NES: variants seen among roughly 807,000 people sequenced by gnomAD.
NES encodes the protein nestin.
Under a neutral mutation model 35.6 loss-of-function variants are expected in NES, and 27 were observed. The observed-to-expected ratio is 0.76, with a 90% CI of 0.56 to 1.04. NES has a LOEUF of 1.04. Among genes scored for constraint, NES ranks in the 50% least tolerant of loss-of-function variants. NES has a pLI of 0.00. For synonymous variants in NES, 822 were observed against 824.2 expected (o/e 1.00, Z 0.04); for missense variants, 1,867 against 1,983.6 (o/e 0.94, Z 1.12).
chr1:156,675,892 C>T (rs1023702223), intron 1 of NES, among the ~76,000 whole-genome samples: 1 of 152,170 alleles, frequency 6.6e-6, no homozygotes, highest in Non-Finnish European at 1.5e-5. Flanking sequence ...GGGGAGGTGG[C>T]CATGGCACCT....
chr1:156,671,222 G>T lies in NES; in HGVS notation c.2966C>A (p.Thr989Asn), dbSNP rs774221762. 2 of 1,614,076 alleles carry T rather than the reference G, an allele frequency of 1.2e-6. No homozygotes were observed. Among genetic ancestry groups the T allele is most frequent in the South Asian group, 2.2e-5 (2 of 91,074 alleles). ...ELNLREQDGF[T>N]GKEEVVEQGE... is the part of the protein sequence containing the mutation. Reference sequence around the variant, plus strand: ...CTGCTCTACCACCTCCTCCTTCCCAGTGAAGCCATCCTGCTCCCTCAGATT... The same window carrying T: ...CTGCTCTACCACCTCCTCCTTCCCATTGAAGCCATCCTGCTCCCTCAGATT... Residue 989 changes from threonine to asparagine, a missense_variant, in exon 4 of 4, where the codon ACT becomes AAT. Transcript: ENST00000368223.
Position 156,671,912 on chromosome 1 carries a change from T to G in NES, c.2276A>C (p.Glu759Ala), listed in dbSNP as rs1301711114. 3.1e-6 allele frequency: 5 copies of G among 1,614,144 alleles called. No individual in the cohort carries two copies. In the South Asian group the frequency reaches 3.3e-5, roughly 11 times the overall value. Residue 759 changes from glutamate (E) to alanine (A), a missense_variant, in exon 4 of 4, where the codon GAA (glutamate) becomes GCA (alanine). Physicochemically the swap from Glu to Ala is moderately radical, Grantham distance 107. Transcript: ENST00000368223. ...CCTCCGTCGCTGTTGAGTCTCTTTTTCAAGAGTTCTCAATGTCTCTTGGTC... is the reference window on the plus strand; with the variant it reads ...CCTCCGTCGCTGTTGAGTCTCTTTTGCAAGAGTTCTCAATGTCTCTTGGTC... ...EQDQETLRTL[E>A]KETQQRRRSL...
Position 156,670,878 on chromosome 1 carries a change from C to G in NES, c.3310G>C (p.Gly1104Arg), listed in dbSNP as rs1679708567. 5 of 1,610,940 alleles carry G rather than the reference C, an allele frequency of 3.1e-6. No homozygotes were observed. In the African/African-American group the frequency reaches 4.0e-5, roughly 13 times the overall value. ...CCTGGGTCCCCCAGCCCTCCCACCC[C>G]CTGCCCCGGGCCTGGCTCAGCTCCC... ...AAGAEPGPGQ[G>R]VGGLGDPGHL... The change falls in exon 4 of 4, where the codon GGG (glycine) becomes CGG (arginine). Residue 1104 changes from glycine (G) to arginine (R), a missense_variant. Physicochemically the swap from Gly to Arg is moderately radical, Grantham distance 125. Transcript: ENST00000368223.
Position 156,671,686 on chromosome 1 carries a change from T to C in NES, c.2502A>G (p.Gln834=). ...EILESLKSAG[Q]ENLETLKSPE... is the part of the protein sequence containing the mutation. ...GAGATTTCAGTGTTTCCAGGTTCTC[T>C]TGTCCCGCAGACTTCAGTGATTCTA... is the stretch of plus-strand genomic sequence containing the variant. Residue 834 remains glutamine (Q), a synonymous_variant, in exon 4 of 4, where the codon CAA becomes CAG. Coordinates refer to ENST00000368223, the MANE Select transcript of NES (RefSeq NM_006617.2). The C allele has an allele frequency of 6.2e-7, 1 of 1,613,826 alleles. No homozygotes were observed. The highest frequency in any genetic ancestry group is 1.1e-5 in the South Asian group (1 of 91,060).
Position 156,672,363 on chromosome 1 carries a change from C to G in NES, c.1825G>C (p.Glu609Gln), listed in dbSNP as rs114406081. ...GTAGGCTTAAGTTGGCCTACAGCCT[C>G]TTTTTCTAGAGGTCTCACTACCTCC... ...DVEVVRPLEKEAVGQLKPTGK... is the reference protein window; with the variant it reads ...DVEVVRPLEKQAVGQLKPTGK... The change falls in exon 4 of 4, where the codon GAG becomes CAG. Residue 609 changes from glutamate to glutamine, a missense_variant. By Grantham distance (29) the Glu-to-Gln change is conservative. Transcript: ENST00000368223. 1.0e-2 allele frequency: 16,076 copies of G among 1,613,162 alleles called. 105 individuals carry two copies. The highest frequency in any genetic ancestry group is 0.012 in the Non-Finnish European group (14,340 of 1,179,874).
Position 156,672,099 on chromosome 1 carries a change from G to C in NES, c.2089C>G (p.Gln697Glu). ...TCTTCAAGAGACCTCAGGGGTTCCT[G>C]ATTCTCCTTTGTCAGAGGTCTCAGT... ...EALRPLTKEN[Q>E]EPLRSLEDEN... Residue 697 changes from glutamine to glutamate, a missense_variant, in exon 4 of 4, where the codon CAG (glutamine) becomes GAG (glutamate). Physicochemically the swap from Gln to Glu is conservative, Grantham distance 29 (BLOSUM62 2). Coordinates refer to ENST00000368223, the MANE Select transcript of NES (RefSeq NM_006617.2). 5.6e-6 allele frequency: 9 copies of C among 1,610,914 alleles called. No individual in the cohort carries two copies. The highest frequency in any genetic ancestry group is 6.8e-6 in the Non-Finnish European group (8 of 1,179,318).
At chr1:156,673,735 A>T (rs1234481960) in intron 2 of NES, among the ~76,000 whole-genome samples, 6 of 152,178 alleles carry the variant, frequency 3.9e-5, no homozygotes, top group Non-Finnish European at 8.8e-5. Context: ...ACACAAAGTC[A>T]CACTGTATTT....
Position 156,673,160 on chromosome 1 carries a change from C to T in NES, c.1028G>A (p.Arg343His), listed in dbSNP as rs886501238. The T allele has an allele frequency of 1.0e-5, 16 of 1,536,990 alleles. No homozygotes were observed. The highest frequency in any genetic ancestry group is 2.8e-5 in the African/African-American group (2 of 72,372). The change falls in exon 4 of 4, where the codon CGT becomes CAT. Residue 343 changes from arginine to histidine, a missense_variant. Transcript: ENST00000368223. ...CAGGACTGGGAGCAAAGATCCAAGA[C>T]GCCGGCCCTCTGGGGTCCTAGGGAA... Reference protein sequence around the residue: ...LQFPRTPEGRRLGSLLPVLSP... With the variant: ...LQFPRTPEGRHLGSLLPVLSP...
At chr1:156,673,403 A>G in intron 3 of NES, 51 bp downstream of exon 3, 2 of 1,537,936 alleles carry the variant, frequency 1.3e-6, no homozygotes, top group Non-Finnish European at 1.8e-6. Flanking sequence ...AGGTCTGGGT[A>G]TGAAGAGCAA....
rs1320683388 is a variant in NES, at chr1:156,671,395, T to C, written c.2793A>G (p.Ser931=). 1.2e-6 allele frequency: 2 copies of C among 1,613,932 alleles called. No homozygotes were observed. Among genetic ancestry groups the C allele is most frequent in the East Asian group, 4.5e-5 (2 of 44,892 alleles). Reference sequence around the variant, plus strand: ...GTCCCTCCTCCTCCAGAGACCTCAGTGACTCTTGGTACTCTCCCTTTCCCA... The same window carrying C: ...GTCCCTCCTCCTCCAGAGACCTCAGCGACTCTTGGTACTCTCCCTTTCCCA... The part of the protein sequence containing the change: ...ENLGKGEYQE[S]LRSLEEEGQE... The change falls in exon 4 of 4, where the codon TCA becomes TCG. Residue 931 remains serine, a synonymous_variant. Coordinates refer to ENST00000368223, the MANE Select transcript of NES (RefSeq NM_006617.2).
At position 156,676,012 on chromosome 1, in the gene NES, G is replaced by A. The variant is rs1466853614; in HGVS notation, c.783+470C>T. 6.6e-6 allele frequency among the ~76,000 whole-genome samples: 1 copy of A among 152,252 alleles called. No individual in the cohort carries two copies. The highest frequency in any genetic ancestry group is 2.4e-5 in the African/African-American group (1 of 41,464). The stretch of plus-strand genomic sequence containing the variant: ...GGAATGTGCTCCAGGGAGCCGAGAA[G>A]CCATGACATGGGAGGGGGCTGGTAG... On this transcript the variant is annotated intron_variant, in intron 1 of 3. Coordinates refer to ENST00000368223, the MANE Select transcript of NES (RefSeq NM_006617.2). The surrounding 1 kb of genome is among the most constrained non-coding windows in gnomAD (Gnocchi z 5.3).
intron 2 of NES, among the ~76,000 whole-genome samples, chr1:156,674,862 A>AC: frequency 6.6e-6 from 1 of 151,882 alleles, no homozygotes; most frequent in East Asian, 1.9e-4. Flanking sequence ...AAAGGACATG[A>AC]CCCCCTGGGT....
rs565414729 is a variant in NES, at chr1:156,674,867, C to T, written c.908+349G>A. Among the ~76,000 whole-genome samples, 13 of 152,326 alleles carry T rather than the reference C, an allele frequency of 8.5e-5. No individual in the cohort carries two copies. In the South Asian group the frequency reaches 2.1e-3, roughly 24 times the overall value. On this transcript the variant is annotated intron_variant, in intron 2 of 3. Coordinates refer to ENST00000368223, the MANE Select transcript of NES (RefSeq NM_006617.2). ...CGTGGCTGCCAAAGGACATGACCCC[C>T]TGGGTGCGGGCACACATAGAGTTGG...
At chr1:156,675,096 C>T in intron 2 of NES, 120 bp downstream of exon 2, 2 of 1,326,660 alleles carry the variant, frequency 1.5e-6, no homozygotes, top group South Asian at 2.9e-5. Context: ...CCTAGAGTCA[C>T]AGAACCCAGT....
rs1174887874 is a variant in NES, at chr1:156,676,712, C to T, written c.553G>A (p.Ala185Thr). 2 of 1,426,904 alleles carry T rather than the reference C, an allele frequency of 1.4e-6. No homozygotes were observed. Among genetic ancestry groups the T allele is most frequent in the African/African-American group, 1.5e-5 (1 of 66,302 alleles). The allele number at this position is 1,426,904 out of a possible 1,614,324, so 88.4% of individuals were successfully genotyped here. ...TAGCCGCGCACTGCCCCGCGCCACG[C>T]CTCGCCCAGTCGCCTTGCCAGCTCC... Reference protein sequence around the residue: ...VEELARRLGEAWRGAVRGYQE... With the variant: ...VEELARRLGETWRGAVRGYQE... The change falls in exon 1 of 4, where the codon GCG becomes ACG. Residue 185 changes from alanine (A) to threonine (T), a missense_variant. By Grantham distance (58) the Ala-to-Thr change is moderately conservative (BLOSUM62 0). Transcript: ENST00000368223. This position sits in a 1 kb window ranked among gnomAD's most constrained non-coding sequence, Gnocchi z 5.3.
Position 156,670,832 on chromosome 1 carries a change from A to C in NES, c.3356T>G (p.Val1119Gly), listed in dbSNP as rs769974182. Residue 1119 changes from valine to glycine, a missense_variant, in exon 4 of 4, where the codon GTG (valine) becomes GGG (glycine). Transcript: ENST00000368223. ...CTCCTCTTCCAGGGGTGGTTCCATC[A>C]CCTCTTCCCTGGTCAGATGGCCTGG... ...GDPGHLTREE[V>G]MEPPLEEESL... The C allele has an allele frequency of 6.2e-7, 1 of 1,611,304 alleles. No homozygotes were observed. The highest frequency in any genetic ancestry group is 8.5e-7 in the Non-Finnish European group (1 of 1,178,728).
rs1036426880 is a variant in NES, at chr1:156,676,605, C to T, written c.660G>A (p.Glu220=). ...GGAGCTGCTGCAGCTCCAGGCGGCC[C>T]TCGCGGGCACCCTGCACCGCCCGGC... ...RLGRAVQGAR[E]GRLELQQLQA... Residue 220 remains glutamate, a synonymous_variant, in exon 1 of 4, where the codon GAG becomes GAA. Transcript: ENST00000368223. This position sits in a 1 kb window ranked among gnomAD's most constrained non-coding sequence, Gnocchi z 5.3. 6.4e-7 allele frequency: 1 copy of T among 1,569,668 alleles called. No homozygotes were observed. Among genetic ancestry groups the T allele is most frequent in the Non-Finnish European group, 8.6e-7 (1 of 1,166,246 alleles).
Position 156,672,754 on chromosome 1 carries a change from C to T in NES, c.1434G>A (p.Glu478=), listed in dbSNP as rs763855198. 1.2e-6 allele frequency: 2 copies of T among 1,613,530 alleles called. No individual in the cohort carries two copies. Among genetic ancestry groups the T allele is most frequent in the South Asian group, 1.1e-5 (1 of 91,082 alleles). ...ACCCACCGGATTCTCCATCCTTAGC[C>T]TCTAAACTGGAGTGGTCAGGGCTGA... The part of the protein sequence containing the change: ...PPLSPDHSSL[E]AKDGESGGSR... The change falls in exon 4 of 4, where the codon GAG becomes GAA. Residue 478 remains glutamate (E), a synonymous_variant. Coordinates refer to ENST00000368223, the MANE Select transcript of NES (RefSeq NM_006617.2).
chr1:156,673,219 G>T lies in NES; in HGVS notation c.983-14C>A. 6.7e-7 allele frequency: 1 copy of T among 1,493,954 alleles called. No individual in the cohort carries two copies. Among genetic ancestry groups the T allele is most frequent in the South Asian group, 1.4e-5 (1 of 73,654 alleles). 92.5% of individuals were successfully genotyped at this position (1,493,954 alleles called of 1,614,324 possible). A position where few individuals can be genotyped will look rare whatever the true frequency, so the allele number is the denominator to read the frequency against. ...CCAGCTTGGGGTCTGGAAAGGCAGA[G>T]GGGGAAGAAACAGCATCAGTATATC... On this transcript the variant is annotated splice_polypyrimidine_tract_variant and intron_variant, in intron 3 of 3. Transcript: ENST00000368223.
Sources: gnomAD v4.1 joint callset for allele counts (sites outside exome capture counted in the v4.1 genomes callset) on GRCh38, gnomAD v4.1.1 for gene constraint, Gnocchi (gnomAD v3.1) non-coding constraint, MANE v1.5 for transcripts, NCBI Gene and HGNC (gene_info 2026-07-23, HGNC 2026-07-21) for gene names.